Variants in HGSNAT observed in about 807,000 individuals in gnomAD.
HGSNAT encodes the protein transmembrane protein 76.
In HGSNAT, 59 loss-of-function variants were observed where a neutral mutation model predicts 85.2. The observed-to-expected ratio is 0.69, with a 90% CI of 0.56 to 0.86. The LOEUF (loss-of-function observed/expected upper bound fraction) is 0.86. HGSNAT is among the 40% of genes least tolerant of loss of function. The probability of loss-of-function intolerance (pLI) is 0.00; values close to 1 mark genes in which losing one functional copy is unlikely to be tolerated. For synonymous variants in HGSNAT, 321 were observed against 304.5 expected (o/e 1.05, Z -0.56); for missense variants, 756 against 777.1 (o/e 0.97, Z 0.32).
chr8:43,161,585 C>T (rs1193382819), intron 5 of HGSNAT, 78 bp downstream of exon 5: 5 of 1,057,950 alleles, frequency 4.7e-6, no homozygotes, highest in Non-Finnish European at 6.9e-6. Context: ...CTGTCACCCT[C>T]AAGTGGCCAT....
chr8:43,194,145 G>A (rs1804633316), intron 14 of HGSNAT: 11 of 1,092,054 alleles, frequency 1.0e-5, no homozygotes, highest in Non-Finnish European at 1.2e-5. Context: ...TGCCTATAAC[G>A]CCAACATTTT....
chr8:43,146,960 A>G lies in HGSNAT; in HGVS notation c.131A>G (p.Lys44Arg). 1.3e-6 allele frequency: 2 copies of G among 1,596,468 alleles called. No individual in the cohort carries two copies. The highest frequency in any genetic ancestry group is 1.7e-6 in the Non-Finnish European group (2 of 1,173,916). ...QAAPPRDLDK[K>R]RHAELKMDQA... ...TAATTTCTACCAGACTTAGACAAAAAAAGACATGCAGAGCTGAAGATGGAT... is the reference window on the plus strand; with the variant it reads ...TAATTTCTACCAGACTTAGACAAAAGAAGACATGCAGAGCTGAAGATGGAT... Residue 44 changes from lysine (K) to arginine (R), a missense_variant, in exon 2 of 18, where the codon AAA becomes AGA. Transcript: ENST00000379644.
chr8:43,191,325 TC>T, intron 11 of HGSNAT, 148 bp from the exon 12 acceptor site: 2 of 844,892 alleles, frequency 2.4e-6, no homozygotes, highest in South Asian at 3.4e-5. Flanking sequence ...AGAGGGAACA[TC>T]TGGAGAACCT....
chr8:43,173,541 C>G (rs1258346860), intron 8 of HGSNAT, among the ~76,000 whole-genome samples, 172 bp from the exon 9 acceptor site: 2 of 152,136 alleles, frequency 1.3e-5, no homozygotes, highest in African/African-American at 4.8e-5. Context: ...AACTCCTGAC[C>G]TCAGGTGATC....
At chr8:43,196,132 C>G (rs1804719493) in intron 14 of HGSNAT, 6 of 291,516 alleles carry the variant, frequency 2.1e-5, no homozygotes, top group Non-Finnish European at 4.0e-5. Flanking sequence ...GCTGGGTGAC[C>G]TCGGGCGTGT....
intron 5 of HGSNAT, among the ~76,000 whole-genome samples, chr8:43,167,298 C>T (rs1422780285): frequency 1.3e-5 from 2 of 152,178 alleles, no homozygotes; most frequent in East Asian, 3.8e-4. Flanking sequence ...CAAACAGCAT[C>T]ACGTGCTGCA....
chr8:43,157,639 G>T (rs188161713), intron 2 of HGSNAT, among the ~76,000 whole-genome samples: 1 of 152,030 alleles, frequency 6.6e-6, no homozygotes, highest in African/African-American at 2.4e-5. Context: ...CTAGCTGGGC[G>T]TAGTGATGCG....
At position 43,159,032 on chromosome 8, in the gene HGSNAT, G is replaced by T; in HGVS notation, c.481G>T (p.Asp161Tyr). 6.2e-7 allele frequency: 1 copy of T among 1,613,694 alleles called. No individual in the cohort carries two copies. Among genetic ancestry groups the T allele is most frequent in the South Asian group, 1.1e-5 (1 of 91,026 alleles). ...CDLAVNEDPV[D>Y]SNLPVSIAFL... ...CCTGGCTGTGAACGAGGATCCAGTT[G>T]ATAGTAACCTTCGTACGTATATGTT... The change falls in exon 4 of 18, where the codon GAT becomes TAT. Residue 161 changes from aspartate (D) to tyrosine (Y), a missense_variant. Physicochemically the swap from Asp to Tyr is radical, Grantham distance 160 (BLOSUM62 -3). Transcript: ENST00000379644.
At chr8:43,151,199 A>T (rs974269665) in intron 2 of HGSNAT, among the ~76,000 whole-genome samples, 16 of 152,252 alleles carry the variant, frequency 1.1e-4, no homozygotes, top group African/African-American at 3.9e-4. Context: ...TGAAGGTTTC[A>T]TCATAGAGCT....
intron 2 of HGSNAT, among the ~76,000 whole-genome samples, chr8:43,151,230 G>T (rs949010094): frequency 6.6e-6 from 1 of 152,232 alleles, no homozygotes; most frequent in Non-Finnish European, 1.5e-5. Flanking sequence ...GCTGAATAAT[G>T]TCAGGGAGTG....
chr8:43,162,740 T>C (rs77389557), intron 5 of HGSNAT, among the ~76,000 whole-genome samples: 1 of 151,912 alleles, frequency 6.6e-6, no homozygotes, highest in Non-Finnish European at 1.5e-5. Context: ...TTTTTAATTT[T>C]TGTATTTTTA....
intron 7 of HGSNAT, 103 bp from the exon 8 acceptor site, chr8:43,172,207 T>C (rs1236199634): frequency 6.1e-6 from 5 of 826,282 alleles, no homozygotes; most frequent in South Asian, 1.4e-5. Flanking sequence ...TAGAATTGCA[T>C]TGTTGCATGA....
rs544300863 is a variant in HGSNAT, at chr8:43,199,655, T to C, written c.*86T>C. ...AGCCTTTGTTAAAGGGAAGCATTCA[T>C]TAGGAAATTGACTGGCTGCGTGTTT... On this transcript the variant is annotated 3_prime_UTR_variant, in exon 18 of 18. Coordinates refer to ENST00000379644, the MANE Select transcript of HGSNAT (RefSeq NM_152419.3). 1.9e-6 allele frequency: 2 copies of C among 1,063,620 alleles called. No homozygotes were observed. The highest frequency in any genetic ancestry group is 3.2e-5 in the African/African-American group (2 of 62,384). The allele number at this position is 1,063,620 out of a possible 1,614,324, so 65.9% of individuals were successfully genotyped here.
intron 5 of HGSNAT, among the ~76,000 whole-genome samples, chr8:43,166,113 A>G (rs1803427234): frequency 6.6e-6 from 1 of 152,220 alleles, no homozygotes; most frequent in Non-Finnish European, 1.5e-5. Context: ...CTGCAGAAGA[A>G]AAGTTGGAAA....
chr8:43,162,542 G>A (rs914429432), intron 5 of HGSNAT, among the ~76,000 whole-genome samples: 1 of 151,600 alleles, frequency 6.6e-6, no homozygotes, highest in African/African-American at 2.4e-5. Flanking sequence ...CACGTAAATG[G>A]ATCTATTATG....
chr8:43,143,800 C>T (rs1452884653), intron 1 of HGSNAT, among the ~76,000 whole-genome samples: 1 of 151,750 alleles, frequency 6.6e-6, no homozygotes, highest in Non-Finnish European at 1.5e-5. Context: ...CCCTCCTTAG[C>T]CTCCCAAACT....
At chr8:43,177,422 G>C (rs1433155151) in intron 9 of HGSNAT, among the ~76,000 whole-genome samples, 1 of 151,974 alleles carries the variant, frequency 6.6e-6, no homozygotes, top group Non-Finnish European at 1.5e-5. Flanking sequence ...GCCGGGCACG[G>C]TGGCGGGCAC....
intron 11 of HGSNAT, among the ~76,000 whole-genome samples, chr8:43,186,894 T>C (rs1804332578): frequency 6.6e-6 from 1 of 152,374 alleles, no homozygotes; most frequent in East Asian, 1.9e-4. Flanking sequence ...TTCATTTCGT[T>C]ATGTACCCAG....
At chr8:43,191,363 C>T in intron 11 of HGSNAT, 111 bp from the exon 12 acceptor site, 1 of 1,342,436 alleles carries the variant, frequency 7.4e-7, no homozygotes. Flanking sequence ...TTTTGTATTA[C>T]TGCCAAAAAG....
Sources: gnomAD v4.1 joint callset for allele counts (sites outside exome capture counted in the v4.1 genomes callset) on GRCh38, gnomAD v4.1.1 for gene constraint, MANE v1.5 for transcripts, NCBI Gene and HGNC (gene_info 2026-07-23, HGNC 2026-07-21) for gene names.